HSD17B3: variants seen among roughly 807,000 people sequenced by gnomAD.
HSD17B3 encodes the protein 17-beta-hydroxysteroid dehydrogenase type 3.
HSD17B3 carries 29 observed loss-of-function variants against 41.1 expected under a neutral mutation model. The ratio of observed to expected loss-of-function variants is 0.71; its 90% confidence interval spans 0.53 to 0.96. The LOEUF (loss-of-function observed/expected upper bound fraction) is 0.96. HSD17B3 is among the 40% of genes least tolerant of loss of function. HSD17B3 has a pLI of 0.00. For missense variants in HSD17B3, 323 were observed against 374.6 expected (o/e 0.86, Z 1.14); for synonymous variants, 126 against 145.6 (o/e 0.87, Z 0.97).
intron 2 of HSD17B3, among the ~76,000 whole-genome samples, chr9:96,290,456 C>CCTTTTTTTTTTTTTTTTTTTTT (rs747479797): frequency 1.3e-5 from 1 of 78,418 alleles, no homozygotes; most frequent in African/African-American, 5.6e-5. Flanking sequence ...ATTTCCTGGG[C>CCTTTTTTTTTTTTTTTTTTTTT]TTTTTTTTTT....
At chr9:96,264,327 G>A (rs1224419194) in intron 2 of HSD17B3, among the ~76,000 whole-genome samples, 1 of 151,870 alleles carries the variant, frequency 6.6e-6, no homozygotes, top group African/African-American at 2.4e-5. Context: ...ACGGGGAATA[G>A]AAATGGGGGG....
At chr9:96,262,865 T>C (rs890648818) in intron 2 of HSD17B3, among the ~76,000 whole-genome samples, 1 of 152,242 alleles carries the variant, frequency 6.6e-6, no homozygotes, top group African/African-American at 2.4e-5. Flanking sequence ...TGAATCAACA[T>C]TGGATTTTGA....
chr9:96,239,067 G>C (rs1836334864), intron 10 of HSD17B3, among the ~76,000 whole-genome samples: 1 of 152,238 alleles, frequency 6.6e-6, no homozygotes, highest in African/African-American at 2.4e-5. Context: ...GCAGTCTGCT[G>C]CCCTCAGTAG....
intron 2 of HSD17B3, among the ~76,000 whole-genome samples, chr9:96,284,147 G>A (rs1467013339): frequency 1.4e-5 from 2 of 148,038 alleles, no homozygotes; most frequent in East Asian, 4.0e-4. Flanking sequence ...GCTTGAACCT[G>A]GGAGGTTGCA....
chr9:96,259,347 A>T (rs1405739010), intron 2 of HSD17B3, among the ~76,000 whole-genome samples: 1 of 152,162 alleles, frequency 6.6e-6, no homozygotes, highest in African/African-American at 2.4e-5. Context: ...TTCAATAGGT[A>T]GGTTCAATTC....
intron 6 of HSD17B3, 79 bp from the exon 7 acceptor site, chr9:96,246,669 A>G: frequency 7.8e-7 from 1 of 1,283,672 alleles, no homozygotes; most frequent in Non-Finnish European, 1.1e-6. Context: ...CAGGGAAGGG[A>G]GCGCGGGAGG....
At chr9:96,291,441 C>T (rs1827153445) in intron 2 of HSD17B3, among the ~76,000 whole-genome samples, 1 of 151,650 alleles carries the variant, frequency 6.6e-6, no homozygotes, top group Admixed American at 6.6e-5. Flanking sequence ...GTTCCCCCTC[C>T]TCTCCCTCCC....
chr9:96,301,813 G>A (rs1587803999), intron 1 of HSD17B3, 138 bp downstream of exon 1: 16 of 878,964 alleles, frequency 1.8e-5, no homozygotes, highest in East Asian at 2.7e-5. Flanking sequence ...CCCGGGAAGC[G>A]GAGGTTGCAG....
intron 9 of HSD17B3, among the ~76,000 whole-genome samples, chr9:96,241,798 G>A (rs977371775): frequency 9.2e-5 from 14 of 152,000 alleles, no homozygotes; most frequent in East Asian, 3.9e-4. Flanking sequence ...AGTCAGGCAC[G>A]GTGGCACATG....
intron 2 of HSD17B3, among the ~76,000 whole-genome samples, chr9:96,259,110 G>A (rs576654125): frequency 6.6e-6 from 1 of 152,090 alleles, no homozygotes. Flanking sequence ...GAAGTGACCC[G>A]CATCCTTTCT....
chr9:96,271,757 T>C (rs1826253063), intron 2 of HSD17B3, among the ~76,000 whole-genome samples: 1 of 152,168 alleles, frequency 6.6e-6, no homozygotes, highest in Non-Finnish European at 1.5e-5. Flanking sequence ...GTTGTTACAG[T>C]TGCTAATCTT....
chr9:96,272,405 C>CTCTCTCTCTCTCTCTCTCTCTCTA (rs1239816824), intron 2 of HSD17B3, among the ~76,000 whole-genome samples: 5 of 21,536 alleles, frequency 2.3e-4, no homozygotes, highest in African/African-American at 4.8e-4. Context: ...CTCTCTCTCT[C>CTCTCTCTCTCTCTCTCTCTCTCTA]TATATATATA....
chr9:96,249,056 C>A (rs1836788694), intron 6 of HSD17B3, among the ~76,000 whole-genome samples: 1 of 152,122 alleles, frequency 6.6e-6, no homozygotes, highest in African/African-American at 2.4e-5. Context: ...CAGGTGCCTG[C>A]CACCATGCCC....
chr9:96,252,185 G>C (rs1825441876), intron 4 of HSD17B3, among the ~76,000 whole-genome samples: 1 of 151,978 alleles, frequency 6.6e-6, no homozygotes, highest in Non-Finnish European at 1.5e-5. Context: ...AATGTTTCTG[G>C]GATTCTTTTT....
chr9:96,300,250 A>G (rs919564822), intron 1 of HSD17B3, among the ~76,000 whole-genome samples: 5 of 151,122 alleles, frequency 3.3e-5, no homozygotes, highest in Admixed American at 1.3e-4. Flanking sequence ...ACACACACAC[A>G]CACGCACACA....
intron 2 of HSD17B3, among the ~76,000 whole-genome samples, chr9:96,259,294 G>A (rs1468588610): frequency 6.6e-6 from 1 of 152,148 alleles, no homozygotes; most frequent in African/African-American, 2.4e-5. Context: ...TTTATTCACT[G>A]CCATGATGAC....
intron 2 of HSD17B3, among the ~76,000 whole-genome samples, chr9:96,269,917 A>G (rs1210169713): frequency 6.6e-6 from 1 of 151,742 alleles, no homozygotes; most frequent in Non-Finnish European, 1.5e-5. Flanking sequence ...AAGAAAAAAA[A>G]AAAAAAAAAA....
chr9:96,264,337 G>A lies in HSD17B3; in HGVS notation c.202-9394C>T, dbSNP rs187212427. Among the ~76,000 whole-genome samples the A allele has an allele frequency of 3.6e-4, 55 of 151,912 alleles. 2 individuals carry two copies. In the East Asian group the frequency reaches 8.1e-3, roughly 22 times the overall value. The stretch of plus-strand genomic sequence containing the variant: ...GGAAGACGGGGAATAGAAATGGGGG[G>A]TGGGAATGAAAGAAAATAAATGAGA... On this transcript the variant is annotated intron_variant, in intron 2 of 10. Coordinates refer to ENST00000375263, the MANE Select transcript of HSD17B3 (RefSeq NM_000197.2).
At chr9:96,278,308 T>C (rs1370513135) in intron 2 of HSD17B3, among the ~76,000 whole-genome samples, 1 of 152,192 alleles carries the variant, frequency 6.6e-6, no homozygotes, top group African/African-American at 2.4e-5. Flanking sequence ...TATGAAATAA[T>C]AGATACGTTC....
Sources: gnomAD v4.1 joint callset for allele counts (sites outside exome capture counted in the v4.1 genomes callset) on GRCh38, gnomAD v4.1.1 for gene constraint, MANE v1.5 for transcripts, NCBI Gene and HGNC (gene_info 2026-07-23, HGNC 2026-07-21) for gene names.